Variants in TBC1D8B observed in about 807,000 individuals in gnomAD.
The protein encoded by TBC1D8B is TBC1 domain family member 8B.
TBC1D8B carries 75 observed loss-of-function variants against 82.9 expected under a neutral mutation model. The observed-to-expected ratio is 0.90, with a 90% CI of 0.75 to 1.10. The LOEUF is 1.10. Ranked by LOEUF, TBC1D8B falls within the 50% of genes least tolerant of loss-of-function variation. The probability of loss-of-function intolerance (pLI) is 0.00; values close to 1 mark genes in which losing one functional copy is unlikely to be tolerated. For missense variants in TBC1D8B, 794 were observed against 796.9 expected, an observed-to-expected ratio of 1.00 and a Z score of 0.04; for synonymous variants, 276 against 276.8, an observed-to-expected ratio of 1.00 and a Z score of 0.03.
At position 106,853,562 on chromosome X, in the gene TBC1D8B, C is replaced by T; in HGVS notation, c.2165C>T (p.Ser722Leu). Residue 722 changes from serine (S) to leucine (L), a missense_variant, in exon 13 of 21, where the codon TCA (serine) becomes TTA (leucine). Physicochemically the swap from Ser to Leu is moderately radical, Grantham distance 145. Transcript: ENST00000357242. ...ACTAATAAGGATAGTCCATTGCCTT[C>T]AAATGTTCAGCAAGGTTCAAATGTG... ...NVTNKDSPLP[S>L]NVQQGSNVSD... is the part of the protein sequence containing the mutation. The T allele has an allele frequency of 8.3e-7, 1 of 1,208,538 alleles. No homozygotes were observed. The highest frequency in any genetic ancestry group is 1.1e-6 in the Non-Finnish European group (1 of 892,940).
At position 106,874,266 on chromosome X, in the gene TBC1D8B, A is replaced by G. The variant is rs1339725703; in HGVS notation, c.*301A>G. 3.0e-5 allele frequency: 5 copies of G among 164,431 alleles called. No homozygotes were observed. Among genetic ancestry groups the G allele is most frequent in the Non-Finnish European group, 5.7e-5 (5 of 87,585 alleles). 13.6% of individuals were successfully genotyped at this position (164,431 alleles called of 1,213,427 possible). On this transcript the variant is annotated 3_prime_UTR_variant, in exon 21 of 21. Transcript: ENST00000357242. ...TCACAATATATGCAATATCAGGGGA[A>G]TATGCTAAATGTTACCACCAGAGGG...
chrX:106,840,237 A>G (rs1251080014), intron 9 of TBC1D8B, 39 bp downstream of exon 9: 2 of 1,145,810 alleles, frequency 1.7e-6, no homozygotes, highest in Non-Finnish European at 2.4e-6. Flanking sequence ...AATAGACATT[A>G]ACTATGCCTT....
chrX:106,858,887 A>G (rs926380460), intron 14 of TBC1D8B, among the ~76,000 whole-genome samples: 37 of 111,917 alleles, frequency 3.3e-4, no homozygotes, highest in African/African-American at 1.1e-3. Flanking sequence ...ATTTTTGTAT[A>G]TGGTGGAAGG....
At chrX:106,847,619 A>C (rs1439645570) in intron 10 of TBC1D8B, among the ~76,000 whole-genome samples, 1 of 111,669 alleles carries the variant, frequency 9.0e-6, no homozygotes, top group Non-Finnish European at 1.9e-5. Context: ...GGGAAGGAAA[A>C]AGCAAATCCG....
chrX:106,827,446 T>A, intron 7 of TBC1D8B, 109 bp downstream of exon 7: 7 of 862,716 alleles, frequency 8.1e-6, no homozygotes, highest in Non-Finnish European at 1.1e-5. Context: ...GCCCAGGGGT[T>A]TTTTTTAAAG....
rs1460364618 is a variant in TBC1D8B at position 106,806,504 on chromosome X, T to G, written c.130+3521T>G. 3.6e-5 allele frequency among the ~76,000 whole-genome samples: 4 copies of G among 112,020 alleles called. No homozygotes were observed. The East Asian group carries it at 1.1e-3, about 31-fold the overall frequency. On this transcript the variant is annotated intron_variant, in intron 1 of 20. Transcript: ENST00000357242. The stretch of plus-strand genomic sequence containing the variant: ...TTAAGCACAAATCAATTTGCTTTGC[T>G]TGGCAGATGGGAACTACTACACGAA...
At chrX:106,835,277 C>T (rs765339017) in intron 7 of TBC1D8B, among the ~76,000 whole-genome samples, 1 of 112,716 alleles carries the variant, frequency 8.9e-6, no homozygotes, top group Non-Finnish European at 1.9e-5. Context: ...GGGCTTGCAC[C>T]CTCTGAAGCA....
chrX:106,866,974 G>A (rs1188502389), intron 17 of TBC1D8B, 112 bp downstream of exon 17: 2 of 501,412 alleles, frequency 4.0e-6, no homozygotes, highest in African/African-American at 2.4e-5. Context: ...ATATAAGATC[G>A]TTGCTTCACT....
intron 7 of TBC1D8B, 92 bp downstream of exon 7, chrX:106,827,429 T>C (rs1931883282): frequency 1.0e-6 from 1 of 984,346 alleles, no homozygotes; most frequent in Non-Finnish European, 1.4e-6. Context: ...GTACCTTTCC[T>C]ATTTATGCCC....
At chrX:106,837,351 G>T (rs1425930226) in intron 7 of TBC1D8B, among the ~76,000 whole-genome samples, 6 of 111,334 alleles carry the variant, frequency 5.4e-5, no homozygotes, top group African/African-American at 2.0e-4. Flanking sequence ...AATAATAAAA[G>T]GCAAACAACC....
intron 1 of TBC1D8B, among the ~76,000 whole-genome samples, chrX:106,816,486 C>G (rs1203899608): frequency 9.0e-6 from 1 of 111,127 alleles, no homozygotes; most frequent in Non-Finnish European, 1.9e-5. Flanking sequence ...CCAAACCCAT[C>G]AGTAATTCCC....
chrX:106,820,512 G>A (rs1356299985), intron 2 of TBC1D8B, among the ~76,000 whole-genome samples: 1 of 111,563 alleles, frequency 9.0e-6, no homozygotes, highest in South Asian at 3.7e-4. Context: ...ATTATTTGGA[G>A]ACCAAGGATT....
chrX:106,865,077 A>C (rs1340994720), intron 14 of TBC1D8B, among the ~76,000 whole-genome samples: 1 of 110,928 alleles, frequency 9.0e-6, no homozygotes, highest in South Asian at 3.8e-4. Context: ...CTTCTTCTTC[A>C]TGGAATAGGA....
intron 7 of TBC1D8B, among the ~76,000 whole-genome samples, chrX:106,832,541 A>T (rs1932073382): frequency 9.0e-6 from 1 of 111,236 alleles, no homozygotes; most frequent in Non-Finnish European, 1.9e-5. Context: ...ACTACTGAAG[A>T]TCCCTTGCCT....
intron 17 of TBC1D8B, 81 bp from the exon 18 acceptor site, chrX:106,868,312 A>G: frequency 1.6e-6 from 1 of 613,905 alleles, no homozygotes; most frequent in Non-Finnish European, 2.3e-6. Context: ...CCCAGTTCCC[A>G]GATATACCTG....
intron 1 of TBC1D8B, among the ~76,000 whole-genome samples, chrX:106,805,248 C>T (rs776865412): frequency 9.4e-6 from 1 of 106,888 alleles, no homozygotes; most frequent in East Asian, 2.9e-4. Flanking sequence ...GCCACTAAGC[C>T]TGGCTAATTT....
intron 7 of TBC1D8B, chrX:106,827,894 A>G (rs919725925): frequency 9.0e-6 from 1 of 111,365 alleles, no homozygotes; most frequent in Non-Finnish European, 1.9e-5. Context: ...GAAAAGCAAG[A>G]GCAAACACTT....
intron 1 of TBC1D8B, among the ~76,000 whole-genome samples, chrX:106,804,263 A>G (rs1361272601): frequency 2.7e-5 from 3 of 111,709 alleles, no homozygotes; most frequent in African/African-American, 9.8e-5. Flanking sequence ...TATGTCGTCA[A>G]GATGGTGATA....
At chrX:106,805,715 T>A (rs1213977960) in intron 1 of TBC1D8B, among the ~76,000 whole-genome samples, 3 of 112,060 alleles carry the variant, frequency 2.7e-5, no homozygotes, top group African/African-American at 9.7e-5. Context: ...TTGGTTCTTT[T>A]TGGTCCAGAG....
Sources: allele counts gnomAD v4.1 joint callset (sites outside exome capture counted in the v4.1 genomes callset), GRCh38; gene constraint gnomAD v4.1.1; transcripts MANE v1.5; gene names NCBI Gene and HGNC (gene_info 2026-07-23, HGNC 2026-07-21).